Variants in SH3RF3 observed in about 807,000 individuals in gnomAD.
SH3RF3 encodes the protein SH3 domain containing ring finger 3.
A neutral mutation model predicts 66.3 loss-of-function variants in SH3RF3; 29 were observed. The observed-to-expected ratio is 0.44, with a 90% CI of 0.33 to 0.60. SH3RF3 has a LOEUF of 0.60. Among genes scored for constraint, SH3RF3 ranks in the 20% least tolerant of loss-of-function variants. The probability of loss-of-function intolerance (pLI) is 0.04; values close to 1 mark genes in which losing one functional copy is unlikely to be tolerated. For synonymous variants in SH3RF3, 583 were observed against 532.0 expected (o/e 1.10, Z -1.32); for missense variants, 1,194 against 1,190.9 (o/e 1.00, Z -0.04).
intron 1 of SH3RF3, among the ~76,000 whole-genome samples, chr2:109,273,983 G>A (rs1431032994): frequency 6.6e-6 from 1 of 152,158 alleles, no homozygotes; most frequent in Admixed American, 6.5e-5. Context: ...AATTATGCTG[G>A]CAAGGATAAT....
intron 1 of SH3RF3, among the ~76,000 whole-genome samples, chr2:109,261,129 G>C (rs1361492082): frequency 6.6e-6 from 1 of 152,118 alleles, no homozygotes; most frequent in Admixed American, 6.5e-5. Context: ...AGCCAGGCCC[G>C]TGAGCTAGCC....
At chr2:109,358,204 A>G (rs1321693277) in intron 2 of SH3RF3, among the ~76,000 whole-genome samples, 14 of 152,160 alleles carry the variant, frequency 9.2e-5, no homozygotes, top group East Asian at 1.9e-4. Context: ...AGGTCCTTCC[A>G]TGTCTTTTCA....
At position 109,406,617 on chromosome 2, in the gene SH3RF3, C is replaced by T. The variant is rs971180220; in HGVS notation, c.1299+7674C>T. Among the ~76,000 whole-genome samples, 7 of 152,126 alleles carry T rather than the reference C, an allele frequency of 4.6e-5. No homozygotes were observed. The East Asian group carries it at 1.4e-3, about 29-fold the overall frequency. On this transcript the variant is annotated intron_variant, in intron 4 of 9. Transcript: ENST00000309415. ...AGCTTTGCTGGAACAGGGTCACACACGCCCATTTGTATATCATCCGCAGCT... is the reference window on the plus strand; with the variant it reads ...AGCTTTGCTGGAACAGGGTCACACATGCCCATTTGTATATCATCCGCAGCT...
At chr2:109,471,194 C>T (rs1420023927) in intron 8 of SH3RF3, among the ~76,000 whole-genome samples, 1 of 117,484 alleles carries the variant, frequency 8.5e-6, no homozygotes, top group Non-Finnish European at 1.6e-5. Context: ...GCCTGGGCGA[C>T]AGACTCTGTC....
At chr2:109,357,907 G>A (rs938010650) in intron 2 of SH3RF3, among the ~76,000 whole-genome samples, 6 of 152,148 alleles carry the variant, frequency 3.9e-5, no homozygotes, top group Non-Finnish European at 7.3e-5. Flanking sequence ...CAATCAATGA[G>A]CCTATATTGA....
intron 1 of SH3RF3, among the ~76,000 whole-genome samples, chr2:109,335,108 G>A (rs527870613): frequency 6.6e-6 from 1 of 152,190 alleles, no homozygotes; most frequent in Non-Finnish European, 1.5e-5. Flanking sequence ...CTTCAAAACC[G>A]AACATTTCGT....
chr2:109,426,492 C>A (rs1349507659), intron 5 of SH3RF3, among the ~76,000 whole-genome samples: 1 of 152,134 alleles, frequency 6.6e-6, no homozygotes, highest in East Asian at 1.9e-4. Context: ...GAAATTGAAC[C>A]TGAAGATGTA....
At chr2:109,319,623 T>C (rs1203250383) in intron 1 of SH3RF3, among the ~76,000 whole-genome samples, 1 of 152,234 alleles carries the variant, frequency 6.6e-6, no homozygotes, top group African/African-American at 2.4e-5. Flanking sequence ...TCTTCTCTTA[T>C]CATCCCTGTT....
intron 3 of SH3RF3, among the ~76,000 whole-genome samples, chr2:109,376,159 A>T (rs748761221): frequency 6.6e-6 from 1 of 152,190 alleles, no homozygotes; most frequent in Non-Finnish European, 1.5e-5. Context: ...TGCTGTGTTG[A>T]TTGAAGATCA....
chr2:109,239,885 G>T (rs1679738852), intron 1 of SH3RF3, among the ~76,000 whole-genome samples: 1 of 152,206 alleles, frequency 6.6e-6, no homozygotes, highest in Non-Finnish European at 1.5e-5. Flanking sequence ...AGAAATGTGT[G>T]CTGAAGGTGA....
At chr2:109,249,558 TCC>T (rs1680024924) in intron 1 of SH3RF3, among the ~76,000 whole-genome samples, 4 of 137,964 alleles carry the variant, frequency 2.9e-5, no homozygotes, top group Admixed American at 7.2e-5. Context: ...CTTCCTTCCT[TCC>T]TTCCTTCCTT....
intron 1 of SH3RF3, among the ~76,000 whole-genome samples, chr2:109,255,563 A>G (rs574662312): frequency 7.9e-5 from 12 of 152,366 alleles, no homozygotes; most frequent in African/African-American, 2.6e-4. Context: ...GTTCTCACCA[A>G]GGTTGCTATC....
intron 1 of SH3RF3, among the ~76,000 whole-genome samples, chr2:109,298,017 G>A (rs1681362319): frequency 6.6e-6 from 1 of 152,200 alleles, no homozygotes; most frequent in South Asian, 2.1e-4. Context: ...TGACAGCTGA[G>A]GCTGGTGTGT....
intron 1 of SH3RF3, among the ~76,000 whole-genome samples, chr2:109,249,473 C>CG (rs1680006401): frequency 2.6e-4 from 5 of 19,584 alleles, no homozygotes; most frequent in African/African-American, 1.7e-3. Flanking sequence ...CTTTCTCTTT[C>CG]TTTCTTTCTT....
chr2:109,250,106 G>A (rs1032272498), intron 1 of SH3RF3, among the ~76,000 whole-genome samples: 3 of 79,774 alleles, frequency 3.8e-5, no homozygotes, highest in Non-Finnish European at 7.9e-5. Context: ...TTTTTTTTTT[G>A]TCTAATTAGA....
chr2:109,187,451 G>A (rs142312220), intron 1 of SH3RF3, among the ~76,000 whole-genome samples: 2 of 152,044 alleles, frequency 1.3e-5, no homozygotes, highest in African/African-American at 2.4e-5. Context: ...GCATGAAGAC[G>A]TTGCTGTTGT....
At chr2:109,335,782 A>C (rs975386948) in intron 1 of SH3RF3, among the ~76,000 whole-genome samples, 3 of 152,224 alleles carry the variant, frequency 2.0e-5, no homozygotes, top group African/African-American at 4.8e-5. Context: ...TAACTGCATA[A>C]ATGTCCTAAA....
intron 4 of SH3RF3, among the ~76,000 whole-genome samples, chr2:109,401,682 C>T (rs1349566665): frequency 1.3e-5 from 2 of 152,220 alleles, no homozygotes; most frequent in Admixed American, 1.3e-4. Flanking sequence ...TTCCCACAGG[C>T]CCCTGAGATG....
At chr2:109,260,460 C>G (rs963172393) in intron 1 of SH3RF3, among the ~76,000 whole-genome samples, 1 of 152,222 alleles carries the variant, frequency 6.6e-6, no homozygotes, top group Non-Finnish European at 1.5e-5. Flanking sequence ...AAGCATCTGC[C>G]TCCCAGTGGC....
Sources: gnomAD v4.1 joint callset for allele counts (sites outside exome capture counted in the v4.1 genomes callset) on GRCh38, gnomAD v4.1.1 for gene constraint, MANE v1.5 for transcripts, NCBI Gene and HGNC (gene_info 2026-07-23, HGNC 2026-07-21) for gene names.